UNC45B: variants seen among roughly 807,000 people sequenced by gnomAD.
The protein encoded by UNC45B is protein unc-45 homolog B.
UNC45B carries 78 observed loss-of-function variants against 98.7 expected under a neutral mutation model. The ratio of observed to expected loss-of-function variants is 0.79; its 90% confidence interval spans 0.66 to 0.95. The LOEUF (loss-of-function observed/expected upper bound fraction) is 0.95, where lower values mean the gene tolerates loss of function less well. UNC45B is among the 40% of genes least tolerant of loss of function. The pLI, the probability that UNC45B is intolerant of heterozygous loss-of-function variation, is 0.00. For missense variants in UNC45B, 1,225 were observed against 1,184.9 expected, an observed-to-expected ratio of 1.03 and a Z score of -0.50; for synonymous variants, 462 against 480.4, an observed-to-expected ratio of 0.96 and a Z score of 0.50.
chr17:35,186,404 G>C lies in UNC45B; in HGVS notation c.2635G>C (p.Glu879Gln), dbSNP rs1329495286. Reference protein sequence around the residue: ...IAYNLLAADAELAKKLVESEL... With the variant: ...IAYNLLAADAQLAKKLVESEL... ...CTACAACCTACTGGCAGCCGATGCTGAGCTGGCCAAGAAGCTGGTGGAGAG... is the reference window on the plus strand; with the variant it reads ...CTACAACCTACTGGCAGCCGATGCTCAGCTGGCCAAGAAGCTGGTGGAGAG... Residue 879 changes from glutamate (E) to glutamine (Q), a missense_variant, in exon 20 of 20, where the codon GAG becomes CAG. By Grantham distance (29) the Glu-to-Gln change is conservative (BLOSUM62 2). Coordinates refer to ENST00000394570, the MANE Select transcript of UNC45B (RefSeq NM_001267052.2). 1.2e-6 allele frequency: 2 copies of C among 1,614,118 alleles called. No individual in the cohort carries two copies. The highest frequency in any genetic ancestry group is 8.5e-7 in the Non-Finnish European group (1 of 1,180,048).
chr17:35,153,130 G>A (rs1023270641), intron 5 of UNC45B, 148 bp downstream of exon 5: 16 of 607,928 alleles, frequency 2.6e-5, no homozygotes, highest in Non-Finnish European at 2.6e-5. Context: ...GGAACACAGT[G>A]TAAACCATAA....
chr17:35,175,060 GAAGA>G (rs55847819), intron 14 of UNC45B, among the ~76,000 whole-genome samples: 20,941 of 109,956 alleles, frequency 0.19, 1,963 homozygotes, highest in South Asian at 0.29. Context: ...AGAAAGGAAA[GAAGA>G]AAGAAAGAAA....
chr17:35,163,255 C>T (rs1055497672), intron 8 of UNC45B, among the ~76,000 whole-genome samples: 1 of 152,198 alleles, frequency 6.6e-6, no homozygotes, highest in Non-Finnish European at 1.5e-5. Context: ...TGTTACCCTT[C>T]TATACTTATC....
rs990995815 is a variant in UNC45B, at chr17:35,187,068, T to C, written c.*509T>C. On this transcript the variant is annotated 3_prime_UTR_variant, in exon 20 of 20. Coordinates refer to ENST00000394570, the MANE Select transcript of UNC45B (RefSeq NM_001267052.2). The stretch of plus-strand genomic sequence containing the variant: ...CCTGCAGTGCTCTGTCCCAGTCCCA[T>C]GCCCATTCCCATCACTTCACTGTGA... 1.9e-5 allele frequency: 3 copies of C among 155,820 alleles called. No individual in the cohort carries two copies. The highest frequency in any genetic ancestry group is 7.2e-5 in the African/African-American group (3 of 41,450). 9.7% of individuals were successfully genotyped at this position (155,820 alleles called of 1,614,324 possible).
rs1051089652 is a variant in UNC45B, at chr17:35,166,687, G to A, written c.1152-1374G>A. ...TAATTACGAAGGATGCTGGTTCCCT[G>A]GGCACTGAGTGGAGAGATGAGGCAC... On this transcript the variant is annotated intron_variant, in intron 9 of 19. Transcript: ENST00000394570. Among the ~76,000 whole-genome samples, 25 of 152,256 alleles carry A rather than the reference G, an allele frequency of 1.6e-4. 1 individual carries two copies. Among genetic ancestry groups the A allele is most frequent in the African/African-American group, 5.5e-4 (23 of 41,544 alleles).
Position 35,187,022 on chromosome 17 carries a change from T to C in UNC45B, c.*463T>C, listed in dbSNP as rs1469017340. ...CTCTCCCACACTATTTGAATCAGTC[T>C]GTTCAGAACTGTGTGTTTCACCTGC... On this transcript the variant is annotated 3_prime_UTR_variant, in exon 20 of 20. Coordinates refer to ENST00000394570, the MANE Select transcript of UNC45B (RefSeq NM_001267052.2). The C allele has an allele frequency of 6.0e-6, 1 of 167,676 alleles. No homozygotes were observed. The highest frequency in any genetic ancestry group is 1.3e-5 in the Non-Finnish European group (1 of 75,930). The allele number at this position is 167,676 out of a possible 1,614,324, so 10.4% of individuals were successfully genotyped here.
At chr17:35,159,586 A>T (rs1253443421) in intron 8 of UNC45B, 41 bp downstream of exon 8, 8 of 1,596,248 alleles carry the variant, frequency 5.0e-6, no homozygotes, top group Non-Finnish European at 6.9e-6. Flanking sequence ...CAAGCCTTTT[A>T]AGTGGGCACC....
chr17:35,173,762 C>T (rs2142576402), intron 13 of UNC45B, among the ~76,000 whole-genome samples: 1 of 151,980 alleles, frequency 6.6e-6, no homozygotes. Flanking sequence ...CTGCAAAATC[C>T]CTTTTGCCAT....
rs1014728855 is a variant in UNC45B at position 35,168,168 on chromosome 17, A to G, written c.1259A>G (p.Lys420Arg). The stretch of plus-strand genomic sequence containing the variant: ...CTGGGCAACCAGCTGCTGGGACTGA[A>G]AGGTGTGATGGAGATGATGGTGGCA... ...FDLGNQLLGL[K>R]GVMEMMVALC... The change falls in exon 10 of 20, where the codon AAA becomes AGA. Residue 420 changes from lysine to arginine, a missense_variant. Transcript: ENST00000394570. 1.9e-6 allele frequency: 3 copies of G among 1,607,088 alleles called. No individual in the cohort carries two copies. In the South Asian group the frequency reaches 3.3e-5, roughly 18 times the overall value.
At chr17:35,171,252 A>G (rs866951971) in intron 12 of UNC45B, 70 bp from the exon 13 acceptor site, 1 of 1,577,140 alleles carries the variant, frequency 6.3e-7, no homozygotes, top group African/African-American at 1.3e-5. Context: ...GTGAGGGAGC[A>G]TCCTGGAAGC....
At chr17:35,183,932 G>A (rs1208858444) in intron 19 of UNC45B, among the ~76,000 whole-genome samples, 1 of 151,834 alleles carries the variant, frequency 6.6e-6, no homozygotes, top group Non-Finnish European at 1.5e-5. Context: ...GATGCCATAA[G>A]GAGCTTATGG....
chr17:35,161,080 T>C (rs1289224663), intron 8 of UNC45B, among the ~76,000 whole-genome samples: 1 of 152,168 alleles, frequency 6.6e-6, no homozygotes, highest in Non-Finnish European at 1.5e-5. Flanking sequence ...CCTGCCTCAT[T>C]CTGGTCTTCT....
chr17:35,168,464 A>G, intron 10 of UNC45B, 103 bp downstream of exon 10: 1 of 1,055,646 alleles, frequency 9.5e-7, no homozygotes, highest in Non-Finnish European at 1.2e-6. Flanking sequence ...TGAGGAGACC[A>G]GGTTCAAGGG....
chr17:35,161,479 A>G (rs904958048), intron 8 of UNC45B, among the ~76,000 whole-genome samples: 1 of 152,020 alleles, frequency 6.6e-6, no homozygotes, highest in Non-Finnish European at 1.5e-5. Context: ...GGAAGGGGAG[A>G]CCGGGAGATG....
chr17:35,176,029 G>C lies in UNC45B; in HGVS notation c.2020G>C (p.Gly674Arg). The change falls in exon 15 of 20, where the codon GGC (glycine) becomes CGC (arginine). Residue 674 changes from glycine (G) to arginine (R), a missense_variant. Gly to Arg is a moderately radical substitution (Grantham distance 125). Transcript: ENST00000394570. The stretch of plus-strand genomic sequence containing the variant: ...AGGCACCATTGTGGCTCAAGGTGGT[G>C]GCAAGGTAACTGGGCAGGTGCCTTC... ...DRGTIVAQGG[G>R]KALIPLALEG... 1.2e-6 allele frequency: 2 copies of C among 1,614,162 alleles called. No homozygotes were observed. Among genetic ancestry groups the C allele is most frequent in the Non-Finnish European group, 1.7e-6 (2 of 1,180,024 alleles).
rs1048289026 is a variant in UNC45B, at chr17:35,164,052, C to T, written c.1037C>T (p.Pro346Leu). 2 of 1,613,946 alleles carry T rather than the reference C, an allele frequency of 1.2e-6. No homozygotes were observed. Among genetic ancestry groups the T allele is most frequent in the African/African-American group, 1.3e-5 (1 of 74,988 alleles). The change falls in exon 9 of 20, where the codon CCC becomes CTC. Residue 346 changes from proline (P) to leucine (L), a missense_variant. Physicochemically the swap from Pro to Leu is moderately conservative, Grantham distance 98. Coordinates refer to ENST00000394570, the MANE Select transcript of UNC45B (RefSeq NM_001267052.2). ...GQVPDLPSCL[P>L]LTDNTRMLAS... ...GTTCCAGATCTGCCATCCTGCCTGC[C>T]CCTGACTGACAACACCCGCATGCTG... is the stretch of plus-strand genomic sequence containing the variant.
intron 14 of UNC45B, among the ~76,000 whole-genome samples, 182 bp downstream of exon 14, chr17:35,174,551 G>A (rs958992226): frequency 6.6e-6 from 1 of 152,194 alleles, no homozygotes; most frequent in Non-Finnish European, 1.5e-5. Flanking sequence ...CAGGGGTGGT[G>A]GCTCATGCCT....
At chr17:35,151,826 T>C (rs12943325) in intron 4 of UNC45B, among the ~76,000 whole-genome samples, 139,958 of 152,250 alleles carry the variant, frequency 0.92, 64,460 homozygotes, top group East Asian at 1. Flanking sequence ...AGGCTGGGTG[T>C]GGTGGCTCAC....
Position 35,158,393 on chromosome 17 carries a change from T to C in UNC45B, c.809-982T>C, listed in dbSNP as rs543233255. On this transcript the variant is annotated intron_variant, in intron 7 of 19. Transcript: ENST00000394570. The stretch of plus-strand genomic sequence containing the variant: ...TCTATAGAACATGGTGGCTGGATTC[T>C]AAATGGACAAGCCCCAATGTGCAAG... Among the ~76,000 whole-genome samples, 3 of 152,306 alleles carry C rather than the reference T, an allele frequency of 2.0e-5. No individual in the cohort carries two copies. In the South Asian group the frequency reaches 6.2e-4, roughly 32 times the overall value.
Sources: allele counts gnomAD v4.1 joint callset (sites outside exome capture counted in the v4.1 genomes callset), GRCh38; gene constraint gnomAD v4.1.1; transcripts MANE v1.5; gene names NCBI Gene and HGNC (gene_info 2026-07-23, HGNC 2026-07-21).